The following DIPK1A variants were observed in gnomAD, a reference collection of about 807,000 sequenced individuals.
DIPK1A encodes the protein divergent protein kinase domain 1A.
A neutral mutation model predicts 40.8 loss-of-function variants in DIPK1A; 27 were observed. The observed-to-expected ratio is 0.66, with a 90% CI of 0.49 to 0.91. DIPK1A has a LOEUF of 0.91. Ranked by LOEUF, DIPK1A falls within the 40% of genes least tolerant of loss-of-function variation. The pLI is 0.00. For synonymous variants in DIPK1A, 166 were observed against 171.3 expected (o/e 0.97, Z 0.24); for missense variants, 412 against 505.7 (o/e 0.81, Z 1.78).
chr1:92,888,438 G>A (rs1377346262), intron 1 of DIPK1A, among the ~76,000 whole-genome samples: 1 of 152,038 alleles, frequency 6.6e-6, no homozygotes, highest in Non-Finnish European at 1.5e-5. Context: ...ATCTGTTGAT[G>A]AACACTTAGG....
At chr1:92,900,783 G>A (rs35484113) in intron 1 of DIPK1A, among the ~76,000 whole-genome samples, 1 of 151,950 alleles carries the variant, frequency 6.6e-6, no homozygotes, top group Non-Finnish European at 1.5e-5. Context: ...CTACAACCTA[G>A]CCCTGTGGAC....
intron 2 of DIPK1A, among the ~76,000 whole-genome samples, chr1:92,864,298 A>G (rs1557459163): frequency 6.6e-6 from 1 of 152,220 alleles, no homozygotes. Context: ...AGTTGCTTTA[A>G]GCAATAAACC....
At chr1:92,833,106 C>T in intron 4 of DIPK1A, 1 of 695,458 alleles carries the variant, frequency 1.4e-6, no homozygotes. Context: ...AATTTTATAC[C>T]TGTTAAATGT....
exon 5 of DIPK1A, chr1:92,833,018 A>C: frequency 1.3e-6 from 1 of 742,136 alleles, no homozygotes; most frequent in East Asian, 2.5e-5. Context: ...AGTTTGGCAC[A>C]ATTACCGGTG....
At chr1:92,930,209 C>A (rs1345100622) in intron 1 of DIPK1A, among the ~76,000 whole-genome samples, 1 of 152,100 alleles carries the variant, frequency 6.6e-6, no homozygotes, top group Non-Finnish European at 1.5e-5. Flanking sequence ...CCTTTTGTGG[C>A]TCCCAATTTT....
intron 1 of DIPK1A, among the ~76,000 whole-genome samples, chr1:92,955,497 G>A (rs561963265): frequency 6.7e-6 from 1 of 149,884 alleles, no homozygotes; most frequent in South Asian, 2.1e-4. Flanking sequence ...AGGAGATCGA[G>A]ACCATCCTGG....
At chr1:92,959,448 CTTTTTT>C (rs1012376544) in intron 1 of DIPK1A, among the ~76,000 whole-genome samples, 3 of 115,462 alleles carry the variant, frequency 2.6e-5, no homozygotes, top group African/African-American at 6.5e-5. Context: ...CAGTAAAACA[CTTTTTT>C]TTTTTTTTTT....
intron 1 of DIPK1A, among the ~76,000 whole-genome samples, chr1:92,900,618 A>G (rs1300506897): frequency 6.6e-6 from 1 of 151,802 alleles, no homozygotes; most frequent in Non-Finnish European, 1.5e-5. Flanking sequence ...TTTCCTTTTC[A>G]TTGGGGTCTG....
chr1:92,876,039 T>C (rs907910222), intron 2 of DIPK1A, among the ~76,000 whole-genome samples: 3 of 149,844 alleles, frequency 2.0e-5, no homozygotes, highest in Admixed American at 1.3e-4. Flanking sequence ...TATATATATA[T>C]AATAAAAATC....
exon 5 of DIPK1A, chr1:92,832,971 G>T: frequency 2.8e-6 from 2 of 725,420 alleles, no homozygotes; most frequent in South Asian, 2.9e-5. Flanking sequence ...CCGACGTTTG[G>T]CATCACTGAT....
chr1:92,925,971 A>T (rs1650488834), intron 1 of DIPK1A, among the ~76,000 whole-genome samples: 1 of 152,210 alleles, frequency 6.6e-6, no homozygotes, highest in African/African-American at 2.4e-5. Context: ...CAGTATTGGT[A>T]TATAATAAGC....
chr1:92,908,957 CTT>C (rs936408188), intron 1 of DIPK1A, among the ~76,000 whole-genome samples: 9 of 152,074 alleles, frequency 5.9e-5, no homozygotes, highest in African/African-American at 2.2e-4. Context: ...GAGAGAGAAA[CTT>C]AAAGCAGAAA....
intron 1 of DIPK1A, among the ~76,000 whole-genome samples, chr1:92,922,914 A>G (rs1414232896): frequency 2.7e-5 from 4 of 150,178 alleles, no homozygotes; most frequent in Non-Finnish European, 5.9e-5. Flanking sequence ...TCTCCCTCAC[A>G]GTTTTCATCT....
intron 1 of DIPK1A, among the ~76,000 whole-genome samples, chr1:92,958,238 C>T (rs1651925883): frequency 2.6e-5 from 4 of 152,096 alleles, no homozygotes; most frequent in Admixed American, 6.5e-5. Context: ...CCACAGTTTT[C>T]CAAAAGCGTT....
chr1:92,961,425 G>C lies in DIPK1A; in HGVS notation c.5C>G (p.Ala2Gly). 1 of 1,517,310 alleles carries C rather than the reference G, an allele frequency of 6.6e-7. No homozygotes were observed. Among genetic ancestry groups the C allele is most frequent in the Non-Finnish European group, 8.9e-7 (1 of 1,129,616 alleles). 94.0% of individuals were successfully genotyped at this position (1,517,310 alleles called of 1,614,324 possible). The change falls in exon 1 of 5, where the codon GCG becomes GGG. Residue 2 changes from alanine to glycine, a missense_variant. Coordinates refer to ENST00000370310, the MANE Select transcript of DIPK1A (RefSeq NM_001006605.5). M[A>G]RSLCPGAWLR... ...CCAGGCCCCCGGACAGAGACTCCTC[G>C]CCATGGTAATCACACATCGCCCCGC...
At chr1:92,884,618 A>G (rs972228372) in intron 1 of DIPK1A, among the ~76,000 whole-genome samples, 15 of 152,174 alleles carry the variant, frequency 9.9e-5, no homozygotes, top group Admixed American at 9.8e-4. Context: ...TAGGCCTAAC[A>G]TGCCACATTG....
downstream of DIPK1A, chr1:92,840,528 C>T: frequency 1.3e-6 from 2 of 1,558,690 alleles, no homozygotes; most frequent in Middle Eastern, 2.1e-4. Flanking sequence ...AAACCAAGTA[C>T]TGTTTGCTTT....
At chr1:92,888,525 T>C (rs1648712449) in intron 1 of DIPK1A, among the ~76,000 whole-genome samples, 1 of 152,228 alleles carries the variant, frequency 6.6e-6, no homozygotes, top group African/African-American at 2.4e-5. Flanking sequence ...ACATACTGAT[T>C]ACCTTTCCTT....
chr1:92,834,160 C>T (rs891962142), intron 4 of DIPK1A, among the ~76,000 whole-genome samples: 10 of 152,156 alleles, frequency 6.6e-5, no homozygotes, highest in Non-Finnish European at 1.3e-4. Context: ...ATCCCAATTC[C>T]AGTAGAAGAA....
Sources: gnomAD v4.1 joint callset for allele counts (sites outside exome capture counted in the v4.1 genomes callset) on GRCh38, gnomAD v4.1.1 for gene constraint, MANE v1.5 for transcripts, NCBI Gene and HGNC (gene_info 2026-07-23, HGNC 2026-07-21) for gene names.